The following KCNH8 variants were observed in gnomAD, a reference collection of about 807,000 sequenced individuals.
KCNH8 encodes potassium voltage-gated channel subfamily H member 8, also known as voltage-gated delayed rectifier potassium channel KCNH8.
A neutral mutation model predicts 103.6 loss-of-function variants in KCNH8; 70 were observed. That is an observed-to-expected ratio of 0.68 (90% CI 0.56 to 0.82). The LOEUF (loss-of-function observed/expected upper bound fraction) is 0.82, where lower values mean the gene tolerates loss of function less well. KCNH8 is among the 40% of genes least tolerant of loss of function. The pLI is 0.00. For missense variants in KCNH8, 1,217 were observed against 1,329.9 expected (o/e 0.92, Z 1.32); for synonymous variants, 498 against 489.4 (o/e 1.02, Z -0.23).
At chr3:19,236,598 A>AT (rs2064069326) in intron 1 of KCNH8, among the ~76,000 whole-genome samples, 5 of 152,202 alleles carry the variant, frequency 3.3e-5, no homozygotes, top group Admixed American at 3.3e-4. Flanking sequence ...CACTCTAACC[A>AT]TTTTATATGC....
intron 1 of KCNH8, among the ~76,000 whole-genome samples, chr3:19,172,640 T>A (rs1481526976): frequency 6.6e-6 from 1 of 152,182 alleles, no homozygotes; most frequent in African/African-American, 2.4e-5. Context: ...CCTCATTTAA[T>A]CCACATAACA....
In KCNH8 at chr3:19,462,388, C is replaced by G. The variant is rs140508580; in HGVS notation, c.2040+5406C>G. ...GGTTTTGATTTGCTTTCTCTGATGA[C>G]CAGTGATGATGAGCATTTCTTCATG... On this transcript the variant is annotated intron_variant, in intron 11 of 15. Coordinates refer to ENST00000328405, the MANE Select transcript of KCNH8 (RefSeq NM_144633.3). 4.4e-3 allele frequency among the ~76,000 whole-genome samples: 672 copies of G among 152,268 alleles called. 6 individuals are homozygous for G. The highest frequency in any genetic ancestry group is 0.019 in the South Asian group (94 of 4,822).
intron 1 of KCNH8, among the ~76,000 whole-genome samples, chr3:19,209,069 A>G (rs2063744050): frequency 1.3e-5 from 2 of 151,992 alleles, no homozygotes; most frequent in African/African-American, 4.8e-5. Flanking sequence ...TAGACTACAC[A>G]GTTCACATAT....
intron 3 of KCNH8, among the ~76,000 whole-genome samples, chr3:19,306,955 A>C (rs1180244441): frequency 6.6e-6 from 1 of 152,072 alleles, no homozygotes; most frequent in South Asian, 2.1e-4. Context: ...GTATTACACT[A>C]GCAGACCTCA....
intron 1 of KCNH8, among the ~76,000 whole-genome samples, chr3:19,251,140 G>A (rs1183063278): frequency 6.6e-6 from 1 of 152,166 alleles, no homozygotes; most frequent in African/African-American, 2.4e-5. Flanking sequence ...CACAACCCCA[G>A]TAGGAGGGTG....
rs1215741525 is a variant in KCNH8 at position 19,534,155 on chromosome 3, T to C, written c.*56T>C. On this transcript the variant is annotated 3_prime_UTR_variant, in exon 16 of 16. Coordinates refer to ENST00000328405, the MANE Select transcript of KCNH8 (RefSeq NM_144633.3). ...CAAACCTACCACTGCATGACAGTTTTAGTTTGCCTTTTTGCCTCTGGTGGG... is the reference window on the plus strand; with the variant it reads ...CAAACCTACCACTGCATGACAGTTTCAGTTTGCCTTTTTGCCTCTGGTGGG... 1 of 1,370,966 alleles carries C rather than the reference T, an allele frequency of 7.3e-7. No individual in the cohort carries two copies. The highest frequency in any genetic ancestry group is 1.0e-6 in the Non-Finnish European group (1 of 989,342). The allele number at this position is 1,370,966 out of a possible 1,614,324, so 84.9% of individuals were successfully genotyped here.
At chr3:19,500,747 A>C (rs974206476) in intron 11 of KCNH8, among the ~76,000 whole-genome samples, 1 of 152,220 alleles carries the variant, frequency 6.6e-6, no homozygotes, top group Non-Finnish European at 1.5e-5. Context: ...ACAAAGACAC[A>C]ACATACCAGA....
intron 1 of KCNH8, among the ~76,000 whole-genome samples, chr3:19,221,858 T>TC (rs571193792): frequency 3.3e-5 from 5 of 151,904 alleles, no homozygotes; most frequent in Admixed American, 3.3e-4. Context: ...TTTTTTTTTT[T>TC]CCTTCTTGAG....
intron 1 of KCNH8, among the ~76,000 whole-genome samples, chr3:19,198,153 T>G (rs1354689948): frequency 7.2e-5 from 11 of 152,104 alleles, no homozygotes; most frequent in Admixed American, 6.6e-4. Context: ...TGATTCATAA[T>G]GGACAAATAA....
At chr3:19,280,535 C>T (rs550757859) in intron 2 of KCNH8, among the ~76,000 whole-genome samples, 5 of 152,042 alleles carry the variant, frequency 3.3e-5, no homozygotes, top group South Asian at 4.1e-4. Context: ...TTTGTGTTTA[C>T]GTATTTTACT....
rs1056538851 is a variant in KCNH8, at chr3:19,450,198, C to A, written c.1468C>A (p.Leu490Met). The stretch of plus-strand genomic sequence containing the variant: ...CCTCTATCACACTAGAACTAAGGAT[C>A]TGAAAGATTTCATCCGTGTCCATCA... ...WSLYHTRTKDLKDFIRVHHLP... is the reference protein window; with the variant it reads ...WSLYHTRTKDMKDFIRVHHLP... Residue 490 changes from leucine to methionine, a missense_variant, in exon 9 of 16, where the codon CTG becomes ATG. Coordinates refer to ENST00000328405, the MANE Select transcript of KCNH8 (RefSeq NM_144633.3). 4 of 1,613,488 alleles carry A rather than the reference C, an allele frequency of 2.5e-6. No individual in the cohort carries two copies. The Admixed American group carries it at 5.0e-5, about 20-fold the overall frequency.
At position 19,499,195 on chromosome 3, in the gene KCNH8, A is replaced by G. The variant is rs576485754; in HGVS notation, c.2041-11168A>G. Among the ~76,000 whole-genome samples, 273 of 152,308 alleles carry G rather than the reference A, an allele frequency of 1.8e-3. 1 individual carries two copies. The highest frequency in any genetic ancestry group is 3.9e-3 in the Admixed American group (59 of 15,298). On this transcript the variant is annotated intron_variant, in intron 11 of 15. Coordinates refer to ENST00000328405, the MANE Select transcript of KCNH8 (RefSeq NM_144633.3). ...AACTGGAAGAAAGGGTATCAGCGAT[A>G]GAAGATGAAATGAATGAAATGAAGC...
At position 19,180,967 on chromosome 3, in the gene KCNH8, A is replaced by G. The variant is rs974120458; in HGVS notation, c.76+32172A>G. Among the ~76,000 whole-genome samples, 19 of 152,180 alleles carry G rather than the reference A, an allele frequency of 1.2e-4. 2 individuals carry two copies. Among genetic ancestry groups the G allele is most frequent in the Non-Finnish European group, 1.5e-5 (1 of 68,002 alleles). On this transcript the variant is annotated intron_variant, in intron 1 of 15. Coordinates refer to ENST00000328405, the MANE Select transcript of KCNH8 (RefSeq NM_144633.3). ...TTCTTTTGGTAGACTAGAGACAGAA[A>G]TATAACATGGTAATATAAAAAGGCA...
At position 19,450,351 on chromosome 3, in the gene KCNH8, C is replaced by T. The variant is rs769699598; in HGVS notation, c.1575+46C>T. 10 of 1,449,100 alleles carry T rather than the reference C, an allele frequency of 6.9e-6. No individual in the cohort carries two copies. In the East Asian group the frequency reaches 1.8e-4, roughly 26 times the overall value. The allele number at this position is 1,449,100 out of a possible 1,614,324, so 89.8% of individuals were successfully genotyped here. ...TGTTTTCAGGCAGAAAGCACATATT[C>T]TAAGGTAAACGCAAGATGTTCTAAT... On this transcript the variant is annotated intron_variant, in intron 9 of 15. Transcript: ENST00000328405.
At chr3:19,429,030 CA>C (rs2067073862) in intron 7 of KCNH8, among the ~76,000 whole-genome samples, 1 of 152,124 alleles carries the variant, frequency 6.6e-6, no homozygotes, top group Non-Finnish European at 1.5e-5. Context: ...CCAATCGCTT[CA>C]CCAGACGCTG....
intron 1 of KCNH8, among the ~76,000 whole-genome samples, chr3:19,204,605 C>A (rs1330552767): frequency 6.6e-6 from 1 of 151,750 alleles, no homozygotes; most frequent in Non-Finnish European, 1.5e-5. Context: ...AAAAAAATAT[C>A]AAGGTTGGGG....
chr3:19,532,746 GT>G (rs1239755402), intron 15 of KCNH8, among the ~76,000 whole-genome samples: 1 of 152,144 alleles, frequency 6.6e-6, no homozygotes, highest in African/African-American at 2.4e-5. Flanking sequence ...CTCTCATTCT[GT>G]TTAAGAATCC....
intron 8 of KCNH8, among the ~76,000 whole-genome samples, chr3:19,449,786 T>C (rs975590952): frequency 6.6e-6 from 1 of 152,062 alleles, no homozygotes; most frequent in Non-Finnish European, 1.5e-5. Context: ...GTAAATTGAG[T>C]TCAAATAAAA....
chr3:19,421,017 AG>A (rs1246332300), intron 7 of KCNH8, among the ~76,000 whole-genome samples: 1 of 152,176 alleles, frequency 6.6e-6, no homozygotes, highest in African/African-American at 2.4e-5. Flanking sequence ...AAAAGAAAGA[AG>A]AAAGAACTGC....
Sources: allele counts gnomAD v4.1 joint callset (sites outside exome capture counted in the v4.1 genomes callset), GRCh38; gene constraint gnomAD v4.1.1; transcripts MANE v1.5; gene names NCBI Gene and HGNC (gene_info 2026-07-23, HGNC 2026-07-21).